TRIR: variants seen among roughly 807,000 people sequenced by gnomAD.
TRIR encodes the protein telomerase RNA component-interacting RNase.
A neutral mutation model predicts 18.2 loss-of-function variants in TRIR; 5 were observed. The observed-to-expected ratio is 0.27, with a 90% CI of 0.14 to 0.58. The LOEUF is 0.58. Ranked by LOEUF, TRIR falls within the 20% of genes least tolerant of loss-of-function variation. TRIR has a pLI of 0.91. For missense variants in TRIR, 206 were observed against 252.8 expected (o/e 0.81, Z 1.25); for synonymous variants, 134 against 114.4 (o/e 1.17, Z -1.10).
chr19:12,731,439 A>G lies in TRIR; in HGVS notation c.346-18T>C. ...TTGCCCACCTGGGTGAAGGGACAGAAGACTGCAACGGTTACAGGAGCCGGG... is the reference window on the plus strand; with the variant it reads ...TTGCCCACCTGGGTGAAGGGACAGAGGACTGCAACGGTTACAGGAGCCGGG... On this transcript the variant is annotated intron_variant, in intron 1 of 2. Transcript: ENST00000242784. The surrounding 1 kb of genome is among the most constrained non-coding windows in gnomAD (Gnocchi z 5.1). 6.2e-7 allele frequency: 1 copy of G among 1,609,816 alleles called. No homozygotes were observed. Among genetic ancestry groups the G allele is most frequent in the Non-Finnish European group, 8.5e-7 (1 of 1,177,570 alleles).
rs527861955 is a variant in TRIR at position 12,731,834 on chromosome 19, C to T, written c.346-413G>A. The T allele has an allele frequency of 5.8e-6, 1 of 171,502 alleles. No individual in the cohort carries two copies. Among genetic ancestry groups the T allele is most frequent in the Non-Finnish European group, 1.3e-5 (1 of 79,480 alleles). The allele number at this position is 171,502 out of a possible 1,614,324, so 10.6% of individuals were successfully genotyped here. On this transcript the variant is annotated intron_variant, in intron 1 of 2. Coordinates refer to ENST00000242784, the MANE Select transcript of TRIR (RefSeq NM_024038.4). The surrounding 1 kb of genome is among the most constrained non-coding windows in gnomAD (Gnocchi z 5.1). Reference sequence around the variant, plus strand: ...CCTAAGATGAAAGTTAGAACCACCCCCTTTTTGACCAGGCGCGGTGGCTCA... The same window carrying T: ...CCTAAGATGAAAGTTAGAACCACCCTCTTTTTGACCAGGCGCGGTGGCTCA...
chr19:12,734,022 G>A lies in TRIR; in HGVS notation c.345+291C>T, dbSNP rs1205570874. Among the ~76,000 whole-genome samples, 2 of 152,124 alleles carry A rather than the reference G, an allele frequency of 1.3e-5. No individual in the cohort carries two copies. The highest frequency in any genetic ancestry group is 2.9e-5 in the Non-Finnish European group (2 of 68,032). ...GTGGTGGTCCCATGACCCAAGGTCC[G>A]GGTACCACTCAAACAGGAATCCTGA... On this transcript the variant is annotated intron_variant, in intron 1 of 2. Transcript: ENST00000242784. This position sits in a 1 kb window ranked among gnomAD's most constrained non-coding sequence, Gnocchi z 4.1.
rs972710700 is a variant in TRIR at position 12,734,576 on chromosome 19, A to T, written c.82T>A (p.Trp28Arg). 6.6e-7 allele frequency: 1 copy of T among 1,524,688 alleles called. No individual in the cohort carries two copies. The allele number at this position is 1,524,688 out of a possible 1,614,324, so 94.4% of individuals were successfully genotyped here. The change falls in exon 1 of 3, where the codon TGG becomes AGG. Residue 28 changes from tryptophan to arginine, a missense_variant. Physicochemically the swap from Trp to Arg is moderately radical, Grantham distance 101. This residue lies in a region of TRIR where 172 missense variants were observed against 165.0 expected (regional missense o/e 1.04). Coordinates refer to ENST00000242784, the MANE Select transcript of TRIR (RefSeq NM_024038.4). The surrounding 1 kb of genome is among the most constrained non-coding windows in gnomAD (Gnocchi z 4.1). The part of the protein sequence containing the change: ...PAGGGGGGSR[W>R]AESGSGTSPE... ...GACGTCCCCGATCCCGACTCAGCCC[A>T]ACGGCTCCCGCCACCGCCACCGCCC...
Position 12,731,971 on chromosome 19 carries a change from A to C in TRIR, c.346-550T>G, listed in dbSNP as rs1568344760. ...AACCCCATCTCTACTAAAAATACAA[A>C]AACTTAGCCGGGAGTGGTGGTAGGC... On this transcript the variant is annotated intron_variant, in intron 1 of 2. Transcript: ENST00000242784. This position sits in a 1 kb window ranked among gnomAD's most constrained non-coding sequence, Gnocchi z 5.1. 6.6e-6 allele frequency: 1 copy of C among 152,562 alleles called. No individual in the cohort carries two copies. The highest frequency in any genetic ancestry group is 1.5e-5 in the Non-Finnish European group (1 of 68,522). 9.5% of individuals were successfully genotyped at this position (152,562 alleles called of 1,614,324 possible).
chr19:12,733,684 A>C (rs1165255028), intron 1 of TRIR, among the ~76,000 whole-genome samples: 1 of 152,124 alleles, frequency 6.6e-6, no homozygotes, highest in Non-Finnish European at 1.5e-5. Context: ...TTCCAGGATC[A>C]CCTCATAAAA....
chr19:12,733,887 A>C (rs1362134345), intron 1 of TRIR, among the ~76,000 whole-genome samples: 1 of 152,240 alleles, frequency 6.6e-6, no homozygotes, highest in Non-Finnish European at 1.5e-5. Context: ...GATACAAGGA[A>C]GTCAAGCAAT....
intron 1 of TRIR, among the ~76,000 whole-genome samples, chr19:12,733,590 C>A (rs1158234959): frequency 2.6e-5 from 4 of 152,140 alleles, no homozygotes; most frequent in Non-Finnish European, 5.9e-5. Flanking sequence ...CAGACTTTGC[C>A]AAATGTGGGG....
chr19:12,731,320 AC>A lies in TRIR; in HGVS notation c.423+23del. The A allele has an allele frequency of 3.1e-6, 5 of 1,611,168 alleles. No homozygotes were observed. Among genetic ancestry groups the A allele is most frequent in the Non-Finnish European group, 4.2e-6 (5 of 1,178,540 alleles). On this transcript the variant is annotated intron_variant, in intron 2 of 2. Transcript: ENST00000242784. This position sits in a 1 kb window ranked among gnomAD's most constrained non-coding sequence, Gnocchi z 5.1. ...TGGAAGGGAAAGGCAATGTGGGTGG[AC>A]CCCCTGCACCAAGCTGGCTCACCTC...
chr19:12,731,296 G>A lies in TRIR; in HGVS notation c.423+48C>T, dbSNP rs773189461. The A allele has an allele frequency of 3.8e-6, 6 of 1,598,364 alleles. No individual in the cohort carries two copies. The South Asian group carries it at 6.6e-5, about 18-fold the overall frequency. ...AGGGAGAAGGCTGGGCGCAAAAGCT[G>A]GAAGGGAAAGGCAATGTGGGTGGAC... On this transcript the variant is annotated intron_variant, in intron 2 of 2. Transcript: ENST00000242784. The surrounding 1 kb of genome is among the most constrained non-coding windows in gnomAD (Gnocchi z 5.1).
In TRIR at chr19:12,734,238, A is replaced by T. The variant is rs1397286276; in HGVS notation, c.345+75T>A. The T allele has an allele frequency of 7.6e-7, 1 of 1,313,974 alleles. No homozygotes were observed. Among genetic ancestry groups the T allele is most frequent in the East Asian group, 3.1e-5 (1 of 32,436 alleles). The allele number at this position is 1,313,974 out of a possible 1,614,324, so 81.4% of individuals were successfully genotyped here. On this transcript the variant is annotated intron_variant, in intron 1 of 2. Coordinates refer to ENST00000242784, the MANE Select transcript of TRIR (RefSeq NM_024038.4). The surrounding 1 kb of genome is among the most constrained non-coding windows in gnomAD (Gnocchi z 4.1). ...GAACGGAAAGTGGACTTCGGTCCCG[A>T]TCCCCCTTCACGGGCCCCGACTCCC... is the stretch of plus-strand genomic sequence containing the variant.
Position 12,734,285 on chromosome 19 carries a change from G to A in TRIR, c.345+28C>T, listed in dbSNP as rs1268791314. 2.2e-6 allele frequency: 3 copies of A among 1,380,404 alleles called. No individual in the cohort carries two copies. The allele number at this position is 1,380,404 out of a possible 1,614,324, so 85.5% of individuals were successfully genotyped here. A position where few individuals can be genotyped will look rare whatever the true frequency, so the allele number is the denominator to read the frequency against. ...TCCCGCTGCCAAGACAGGCCGTGGC[G>A]CCCGCCCCCACCCCCACGGCTCCTT... On this transcript the variant is annotated intron_variant, in intron 1 of 2. Transcript: ENST00000242784. This position sits in a 1 kb window ranked among gnomAD's most constrained non-coding sequence, Gnocchi z 4.1.
intron 1 of TRIR, among the ~76,000 whole-genome samples, chr19:12,733,578 T>A (rs1379489174): frequency 6.6e-6 from 1 of 152,086 alleles, no homozygotes; most frequent in Non-Finnish European, 1.5e-5. Flanking sequence ...CAAAAATGTC[T>A]CCAGACTTTG....
Position 12,731,521 on chromosome 19 carries a change from G to A in TRIR, c.346-100C>T, listed in dbSNP as rs537418720. On this transcript the variant is annotated intron_variant, in intron 1 of 2. Transcript: ENST00000242784. The surrounding 1 kb of genome is among the most constrained non-coding windows in gnomAD (Gnocchi z 5.1). ...CCTTCCTAGCCCGGCCTGGTGGCCC[G>A]TCCTGACGCCGCGCCCAGCTCCGCC... 9.2e-5 allele frequency: 120 copies of A among 1,298,114 alleles called. No individual in the cohort carries two copies. In the African/African-American group the frequency reaches 1.5e-3, roughly 16 times the overall value. 80.4% of individuals were successfully genotyped at this position (1,298,114 alleles called of 1,614,324 possible).
rs1457845217 is a variant in TRIR, at chr19:12,731,305, A to C, written c.423+39T>G. On this transcript the variant is annotated intron_variant, in intron 2 of 2. Coordinates refer to ENST00000242784, the MANE Select transcript of TRIR (RefSeq NM_024038.4). The surrounding 1 kb of genome is among the most constrained non-coding windows in gnomAD (Gnocchi z 5.1). ...GCTGGGCGCAAAAGCTGGAAGGGAAAGGCAATGTGGGTGGACCCCCTGCAC... is the reference window on the plus strand; with the variant it reads ...GCTGGGCGCAAAAGCTGGAAGGGAACGGCAATGTGGGTGGACCCCCTGCAC... The C allele has an allele frequency of 1.2e-6, 2 of 1,605,190 alleles. No homozygotes were observed. Among genetic ancestry groups the C allele is most frequent in the Non-Finnish European group, 1.7e-6 (2 of 1,173,350 alleles).
chr19:12,733,761 C>T (rs1259787968), intron 1 of TRIR, among the ~76,000 whole-genome samples: 1 of 152,142 alleles, frequency 6.6e-6, no homozygotes, highest in Non-Finnish European at 1.5e-5. Flanking sequence ...GGTAGGCAAA[C>T]CCAGAGGCTC....
chr19:12,730,768 T>C lies in TRIR; in HGVS notation c.*193A>G, dbSNP rs773230823. 1.6e-4 allele frequency: 98 copies of C among 608,742 alleles called. No homozygotes were observed. Among genetic ancestry groups the C allele is most frequent in the Non-Finnish European group, 2.0e-4 (70 of 341,654 alleles). 37.7% of individuals were successfully genotyped at this position (608,742 alleles called of 1,614,324 possible). A position where few individuals can be genotyped will look rare whatever the true frequency, so the allele number is the denominator to read the frequency against. On this transcript the variant is annotated 3_prime_UTR_variant, in exon 3 of 3. Coordinates refer to ENST00000242784, the MANE Select transcript of TRIR (RefSeq NM_024038.4). ...AGAAGGGGGGGACAGTAAACCACTG[T>C]TCTATGAAGTCTCACGAGGCAAGTG...
At position 12,734,288 on chromosome 19, in the gene TRIR, C is replaced by G. The variant is rs1967490323; in HGVS notation, c.345+25G>C. ...CGCTGCCAAGACAGGCCGTGGCGCCCGCCCCCACCCCCACGGCTCCTTACG... is the reference window on the plus strand; with the variant it reads ...CGCTGCCAAGACAGGCCGTGGCGCCGGCCCCCACCCCCACGGCTCCTTACG... On this transcript the variant is annotated intron_variant, in intron 1 of 2. Coordinates refer to ENST00000242784, the MANE Select transcript of TRIR (RefSeq NM_024038.4). This position sits in a 1 kb window ranked among gnomAD's most constrained non-coding sequence, Gnocchi z 4.1. The G allele has an allele frequency of 7.2e-7, 1 of 1,383,442 alleles. No homozygotes were observed. The highest frequency in any genetic ancestry group is 9.3e-7 in the Non-Finnish European group (1 of 1,069,788). The allele number at this position is 1,383,442 out of a possible 1,614,324, so 85.7% of individuals were successfully genotyped here. A position where few individuals can be genotyped will look rare whatever the true frequency, so the allele number is the denominator to read the frequency against.
At chr19:12,732,143 A>AG (rs71168627) in intron 1 of TRIR, among the ~76,000 whole-genome samples, 35 of 148,814 alleles carry the variant, frequency 2.4e-4, no homozygotes, top group Admixed American at 1.3e-3. Context: ...AAAAAAAAAA[A>AG]GAAAAGAAAA....
At chr19:12,733,300 C>G (rs1321924256) in intron 1 of TRIR, among the ~76,000 whole-genome samples, 2 of 152,286 alleles carry the variant, frequency 1.3e-5, no homozygotes, top group South Asian at 2.1e-4. Flanking sequence ...CTAGAGCCCC[C>G]AGTCTTGTTA....
Sources: allele counts gnomAD v4.1 joint callset (sites outside exome capture counted in the v4.1 genomes callset), GRCh38; gene constraint gnomAD v4.1.1; regional missense constraint gnomAD v4.1.1; non-coding constraint Gnocchi (gnomAD v3.1); transcripts MANE v1.5; gene names NCBI Gene and HGNC (gene_info 2026-07-23, HGNC 2026-07-21).